Variants in HYAL3 observed in about 807,000 individuals in gnomAD.
The protein encoded by HYAL3 is hyaluronidase-3.
Under a neutral mutation model 29.6 loss-of-function variants are expected in HYAL3, and 25 were observed. That is an observed-to-expected ratio of 0.85 (90% CI 0.62 to 1.18). HYAL3 has a LOEUF of 1.18. Among genes scored for constraint, HYAL3 ranks in the 50% most tolerant of loss-of-function variants. The pLI is 0.00. For synonymous variants in HYAL3, 215 were observed against 218.3 expected, an observed-to-expected ratio of 0.99 and a Z score of 0.13; for missense variants, 442 against 548.4, an observed-to-expected ratio of 0.81 and a Z score of 1.94.
chr3:50,296,946 T>C, intron 1 of HYAL3: 1 of 1,606,000 alleles, frequency 6.2e-7, no homozygotes, highest in South Asian at 1.1e-5. Flanking sequence ...GGTGGTGAGA[T>C]GCAGCTTGCG....
At position 50,293,333 on chromosome 3, in the gene HYAL3, A is replaced by C. The variant is rs587694855; in HGVS notation, c.1167T>G (p.Asp389Glu). Residue 389 changes from aspartate (D) to glutamate (E), a missense_variant, in exon 4 of 4, where the codon GAT (aspartate) becomes GAG (glutamate). Asp to Glu is a conservative substitution (Grantham distance 45). Coordinates refer to ENST00000336307, the MANE Select transcript of HYAL3 (RefSeq NM_003549.4). Reference protein sequence around the residue: ...LHLWPDGSLGDWKSFSCHCYW... With the variant: ...LHLWPDGSLGEWKSFSCHCYW... ...AACAGTGGCAGCTGAAGGACTTCCA[A>C]TCTCCAAGGCTGCCGTCTGGCCACA... 2 of 1,613,294 alleles carry C rather than the reference A, an allele frequency of 1.2e-6. No homozygotes were observed. The highest frequency in any genetic ancestry group is 4.5e-5 in the East Asian group (2 of 44,878).
At chr3:50,296,163 C>T (rs1701831888) in intron 1 of HYAL3, among the ~76,000 whole-genome samples, 1 of 152,194 alleles carries the variant, frequency 6.6e-6, no homozygotes, top group Non-Finnish European at 1.5e-5. Context: ...TACCCATTGC[C>T]TATGTCCCGT....
chr3:50,298,774 C>G, intron 1 of HYAL3: 3 of 1,066,676 alleles, frequency 2.8e-6, no homozygotes, highest in Non-Finnish European at 3.4e-6. Flanking sequence ...ACAGGCACCC[C>G]CCTCCCCTCA....
At chr3:50,299,158 A>G (rs1702010630) in intron 1 of HYAL3, 55 bp downstream of exon 1, 1 of 1,613,798 alleles carries the variant, frequency 6.2e-7, no homozygotes, top group Non-Finnish European at 8.5e-7. Context: ...CCACTTGGGG[A>G]CCGCACGCGC....
In HYAL3 at chr3:50,294,815, C is replaced by G. The variant is rs782354146; in HGVS notation, c.788G>C (p.Arg263Pro). 6.6e-7 allele frequency: 1 copy of G among 1,526,650 alleles called. No homozygotes were observed. 94.6% of individuals were successfully genotyped at this position (1,526,650 alleles called of 1,614,324 possible). A position where few individuals can be genotyped will look rare whatever the true frequency, so the allele number is the denominator to read the frequency against. ...PAHHQAFVRHRLEEAFRVALV... is the reference protein window; with the variant it reads ...PAHHQAFVRHPLEEAFRVALV... ...GGCCACACGGAAGGCCTCCTCCAGG[C>G]GATGTCGGACAAAGGCCTGGTGGTG... is the stretch of plus-strand genomic sequence containing the variant. The change falls in exon 2 of 4, where the codon CGC (arginine) becomes CCC (proline). Residue 263 changes from arginine (R) to proline (P), a missense_variant. Coordinates refer to ENST00000336307, the MANE Select transcript of HYAL3 (RefSeq NM_003549.4).
At chr3:50,296,750 T>C (rs1489340766) in intron 1 of HYAL3, 1 of 1,607,674 alleles carries the variant, frequency 6.2e-7, no homozygotes, top group Non-Finnish European at 8.5e-7. Context: ...GCAATGGAGG[T>C]CCCTTGGGAC....
chr3:50,296,738 T>G (rs1701860555), intron 1 of HYAL3: 1 of 1,609,380 alleles, frequency 6.2e-7, no homozygotes, highest in African/African-American at 1.3e-5. Flanking sequence ...GAGGGGGTGG[T>G]GGCAATGGAG....
chr3:50,293,847 T>C, intron 2 of HYAL3, 126 bp from the exon 3 acceptor site: 1 of 875,266 alleles, frequency 1.1e-6, no homozygotes, highest in South Asian at 1.5e-5. Context: ...AGGGACTCTC[T>C]AGTTTGGTTT....
rs1491084963 is a variant in HYAL3 at position 50,295,646 on chromosome 3, T to TA, written c.-17-28dup. 6 of 1,502,776 alleles carry TA rather than the reference T, an allele frequency of 4.0e-6. No individual in the cohort carries two copies. The African/African-American group carries it at 5.6e-5, about 14-fold the overall frequency. 93.1% of individuals were successfully genotyped at this position (1,502,776 alleles called of 1,614,324 possible). ...TGCAGGAGAGAGGGGGGTGTAAGCT[T>TA]AGAGTCCGCAGCTATGGCCACACCT... On this transcript the variant is annotated intron_variant, in intron 1 of 3. Transcript: ENST00000336307.
chr3:50,292,898 C>T lies in HYAL3; in HGVS notation c.*348G>A. 6.7e-7 allele frequency: 1 copy of T among 1,498,040 alleles called. No individual in the cohort carries two copies. The highest frequency in any genetic ancestry group is 9.0e-7 in the Non-Finnish European group (1 of 1,116,332). The allele number at this position is 1,498,040 out of a possible 1,614,324, so 92.8% of individuals were successfully genotyped here. A position where few individuals can be genotyped will look rare whatever the true frequency, so the allele number is the denominator to read the frequency against. ...CAGCTTAGCACTTTACCGACCTTCG[C>T]CAAGATTTTTTGGGGCCCATCTGCC... On this transcript the variant is annotated 3_prime_UTR_variant, in exon 4 of 4. Coordinates refer to ENST00000336307, the MANE Select transcript of HYAL3 (RefSeq NM_003549.4).
chr3:50,297,896 G>A lies in HYAL3; in HGVS notation c.-18+1317C>T. On this transcript the variant is annotated intron_variant, in intron 1 of 3. Coordinates refer to ENST00000336307, the MANE Select transcript of HYAL3 (RefSeq NM_003549.4). The surrounding 1 kb of genome is among the most constrained non-coding windows in gnomAD (Gnocchi z 4.3). Reference sequence around the variant, plus strand: ...TCTACCCCACATTGGAGGGAGGCTGGGAGTGATGGATGAGCTGCTTAAGGC... The same window carrying A: ...TCTACCCCACATTGGAGGGAGGCTGAGAGTGATGGATGAGCTGCTTAAGGC... The A allele has an allele frequency of 1.0e-6, 1 of 1,004,554 alleles. No individual in the cohort carries two copies. Among genetic ancestry groups the A allele is most frequent in the Non-Finnish European group, 1.2e-6 (1 of 843,284 alleles). 62.2% of individuals were successfully genotyped at this position (1,004,554 alleles called of 1,614,324 possible).
At chr3:50,295,762 C>T in intron 1 of HYAL3, 143 bp from the exon 2 acceptor site, 1 of 687,130 alleles carries the variant, frequency 1.5e-6, no homozygotes, top group Non-Finnish European at 2.3e-6. Flanking sequence ...CCAGGGGTCT[C>T]TTGGGCCTTT....
At chr3:50,298,770 A>G (rs966535096) in intron 1 of HYAL3, 2 of 1,055,612 alleles carry the variant, frequency 1.9e-6, no homozygotes, top group South Asian at 2.9e-5. Context: ...AGTAACAGGC[A>G]CCCCCCTCCC....
Position 50,294,980 on chromosome 3 carries a change from C to T in HYAL3, c.623G>A (p.Gly208Asp). The T allele has an allele frequency of 4.3e-6, 7 of 1,613,224 alleles. No individual in the cohort carries two copies. Among genetic ancestry groups the T allele is most frequent in the Non-Finnish European group, 5.9e-6 (7 of 1,179,750 alleles). Residue 208 changes from glycine to aspartate, a missense_variant, in exon 2 of 4, where the codon GGC becomes GAC. By Grantham distance (94) the Gly-to-Asp change is moderately conservative (BLOSUM62 -1). Transcript: ENST00000336307. ...ATAGTTGGAAGCCATACTATGCCAG[C>T]CATTGCCACAGGCTGGGTAGTGATA... is the stretch of plus-strand genomic sequence containing the variant. ...GFYHYPACGN[G>D]WHSMASNYTG...
Position 50,297,486 on chromosome 3 carries a change from G to A in HYAL3, c.-18+1727C>T. ...CATCCGGTGTGTAGGGTCTAGTGTA[G>A]GGGTCAGCTTGGCTGGGCCAGGGCT... On this transcript the variant is annotated intron_variant, in intron 1 of 3. Transcript: ENST00000336307. The surrounding 1 kb of genome is among the most constrained non-coding windows in gnomAD (Gnocchi z 4.3). 1 of 1,566,164 alleles carries A rather than the reference G, an allele frequency of 6.4e-7. No homozygotes were observed. The highest frequency in any genetic ancestry group is 8.7e-7 in the Non-Finnish European group (1 of 1,152,652).
Position 50,297,773 on chromosome 3 carries a change from G to C in HYAL3, c.-18+1440C>G, listed in dbSNP as rs1701913841. On this transcript the variant is annotated intron_variant, in intron 1 of 3. Coordinates refer to ENST00000336307, the MANE Select transcript of HYAL3 (RefSeq NM_003549.4). The surrounding 1 kb of genome is among the most constrained non-coding windows in gnomAD (Gnocchi z 4.3). ...GGGGGGACCATGCATACTGGAACTG[G>C]GGAGTGGTGGGCTGCACTTTGTCCC... 1.6e-6 allele frequency: 2 copies of C among 1,253,256 alleles called. No individual in the cohort carries two copies. The highest frequency in any genetic ancestry group is 8.2e-5 in the Admixed American group (2 of 24,258). The allele number at this position is 1,253,256 out of a possible 1,614,324, so 77.6% of individuals were successfully genotyped here.
At position 50,294,752 on chromosome 3, in the gene HYAL3, T is replaced by C. The variant is rs1553710660; in HGVS notation, c.851A>G (p.Tyr284Cys). 6.6e-7 allele frequency: 1 copy of C among 1,508,708 alleles called. No homozygotes were observed. Among genetic ancestry groups the C allele is most frequent in the East Asian group, 2.3e-5 (1 of 43,780 alleles). The allele number at this position is 1,508,708 out of a possible 1,614,324, so 93.5% of individuals were successfully genotyped here. The change falls in exon 2 of 4, where the codon TAT becomes TGT. Residue 284 changes from tyrosine (Y) to cysteine (C), a missense_variant. Tyr to Cys is a radical substitution (Grantham distance 194). Transcript: ENST00000336307. ...AGATCTCCGGTGTGTGAGGCGGACA[T>C]AGGCCAGGACAGGCAGGGGATGTCG... Reference protein sequence around the residue: ...GHRHPLPVLAYVRLTHRRSGR... With the variant: ...GHRHPLPVLACVRLTHRRSGR...
Position 50,297,377 on chromosome 3 carries a change from T to C in HYAL3, c.-17-1758A>G, listed in dbSNP as rs782117020. 3.1e-6 allele frequency: 5 copies of C among 1,613,338 alleles called. No individual in the cohort carries two copies. In the African/African-American group the frequency reaches 4.0e-5, roughly 13 times the overall value. Reference sequence around the variant, plus strand: ...GACCAGGATTGAAGGTCATCTCTGGTTGGCATGTGGAATCCAGGGGCAGCT... The same window carrying C: ...GACCAGGATTGAAGGTCATCTCTGGCTGGCATGTGGAATCCAGGGGCAGCT... On this transcript the variant is annotated intron_variant, in intron 1 of 3. Coordinates refer to ENST00000336307, the MANE Select transcript of HYAL3 (RefSeq NM_003549.4). The surrounding 1 kb of genome is among the most constrained non-coding windows in gnomAD (Gnocchi z 4.3).
At chr3:50,294,314 T>G (rs1199038646) in intron 2 of HYAL3, among the ~76,000 whole-genome samples, 1 of 152,070 alleles carries the variant, frequency 6.6e-6, no homozygotes, top group Non-Finnish European at 1.5e-5. Context: ...GTTTTTTTGG[T>G]AGAGGTTGGG....
Sources: allele counts gnomAD v4.1 joint callset (sites outside exome capture counted in the v4.1 genomes callset), GRCh38; gene constraint gnomAD v4.1.1; non-coding constraint Gnocchi (gnomAD v3.1); transcripts MANE v1.5; gene names NCBI Gene and HGNC (gene_info 2026-07-23, HGNC 2026-07-21).